Variants in RNF135 observed in about 807,000 individuals in gnomAD.
RNF135 encodes the protein ring finger protein 135.
In RNF135, 46 loss-of-function variants were observed where a neutral mutation model predicts 41.9. The observed-to-expected ratio is 1.10, with a 90% CI of 0.87 to 1.40. The LOEUF is 1.40. RNF135 is among the 40% of genes most tolerant of loss of function. The pLI, the probability that RNF135 is intolerant of heterozygous loss-of-function variation, is 0.00. For synonymous variants in RNF135, 238 were observed against 223.8 expected (o/e 1.06, Z -0.57); for missense variants, 539 against 549.8 (o/e 0.98, Z 0.20).
intron 3 of RNF135, among the ~76,000 whole-genome samples, chr17:30,995,262 C>T (rs1039604021): frequency 1.2e-4 from 18 of 152,088 alleles, no homozygotes; most frequent in South Asian, 2.1e-4. Context: ...GTGGTGGGCG[C>T]CTGTAGTCCC....
intron 3 of RNF135, among the ~76,000 whole-genome samples, chr17:30,991,441 A>AGTC (rs1907982946): frequency 7.1e-6 from 1 of 139,890 alleles, no homozygotes; most frequent in South Asian, 2.3e-4. Context: ...TTTGAGACTG[A>AGTC]GTCTCGCTCT....
intron 1 of RNF135, among the ~76,000 whole-genome samples, chr17:30,980,742 T>C (rs1037448353): frequency 2.0e-4 from 25 of 127,978 alleles, no homozygotes; most frequent in African/African-American, 7.3e-4. Context: ...GGGGCAGAGG[T>C]GCTCCCCACA....
rs1292530345 is a variant in RNF135, at chr17:30,971,338, G to A, written c.265G>A (p.Ala89Thr). ...CCTGGCCGACAAGTACCGCCGCGCCGCACGCGAGATACAGGCGGGCTCCGA... is the reference window on the plus strand; with the variant it reads ...CCTGGCCGACAAGTACCGCCGCGCCACACGCGAGATACAGGCGGGCTCCGA... The part of the protein sequence containing the change: ...QDLADKYRRA[A>T]REIQAGSDPA... The change falls in exon 1 of 5, where the codon GCA becomes ACA. Residue 89 changes from alanine (A) to threonine (T), a missense_variant. Coordinates refer to ENST00000328381, the MANE Select transcript of RNF135 (RefSeq NM_032322.4). 3 of 1,533,408 alleles carry A rather than the reference G, an allele frequency of 2.0e-6. No homozygotes were observed. The highest frequency in any genetic ancestry group is 2.6e-6 in the Non-Finnish European group (3 of 1,143,614). 95.0% of individuals were successfully genotyped at this position (1,533,408 alleles called of 1,614,324 possible).
At chr17:30,988,879 G>A (rs1390596276) in intron 3 of RNF135, among the ~76,000 whole-genome samples, 7 of 145,970 alleles carry the variant, frequency 4.8e-5, no homozygotes, top group African/African-American at 1.3e-4. Context: ...GCGCCACCAC[G>A]CCTGGCTAAT....
chr17:30,997,513 A>G, intron 4 of RNF135, 182 bp downstream of exon 4: 1 of 670,406 alleles, frequency 1.5e-6, no homozygotes, highest in South Asian at 1.5e-5. Context: ...CTCTAGACCC[A>G]AGAGCACTCA....
intron 1 of RNF135, among the ~76,000 whole-genome samples, chr17:30,979,712 T>C (rs1251403466): frequency 9.8e-6 from 1 of 102,558 alleles, no homozygotes; most frequent in Non-Finnish European, 2.0e-5. Context: ...GGCGGGGGGC[T>C]GACCCCCCCC....
At chr17:30,993,770 CT>C in intron 3 of RNF135, 2 of 958,154 alleles carry the variant, frequency 2.1e-6, no homozygotes, top group South Asian at 1.6e-5. Context: ...TTTTTCCTTT[CT>C]TTTTCTTTTG....
chr17:30,985,348 C>T (rs1907512325), intron 2 of RNF135, among the ~76,000 whole-genome samples: 1 of 152,164 alleles, frequency 6.6e-6, no homozygotes, highest in Admixed American at 6.6e-5. Flanking sequence ...GCTATGTCTT[C>T]CTTCTCATCT....
upstream of RNF135, among the ~76,000 whole-genome samples, chr17:30,967,886 C>T (rs1030333211): frequency 5.3e-5 from 8 of 151,428 alleles, no homozygotes; most frequent in African/African-American, 1.5e-4. Context: ...TTGTATTTTT[C>T]GAACTCCTGA....
At chr17:30,960,983 C>T in the RNF135 span, among the ~76,000 whole-genome samples, 2 of 152,092 alleles carry the variant, frequency 1.3e-5, no homozygotes, top group African/African-American at 4.8e-5. Flanking sequence ...TCGTGATCCA[C>T]CTGCCTCGGC....
At chr17:30,967,955 G>A (rs967688725), upstream of RNF135, among the ~76,000 whole-genome samples, 38 of 151,808 alleles carry the variant, frequency 2.5e-4, no homozygotes, top group African/African-American at 7.5e-4. Flanking sequence ...ATGAGCCACC[G>A]CACTCGGCCA....
At chr17:30,972,409 C>T (rs895132851) in intron 1 of RNF135, 1 of 151,936 alleles carries the variant, frequency 6.6e-6, no homozygotes, top group East Asian at 1.9e-4. Context: ...CACCGCGCCC[C>T]GCCTATTTTA....
chr17:30,966,471 C>T (rs1027310313), upstream of RNF135, among the ~76,000 whole-genome samples: 1 of 143,246 alleles, frequency 7.0e-6, no homozygotes, highest in Non-Finnish European at 1.5e-5. Flanking sequence ...ATACTTCTAA[C>T]GACTTTTGTA....
At chr17:30,983,761 T>C (rs1318839360) in intron 1 of RNF135, among the ~76,000 whole-genome samples, 1 of 151,810 alleles carries the variant, frequency 6.6e-6, no homozygotes, top group African/African-American at 2.4e-5. Context: ...ACATTTGTTA[T>C]TTTGGTTTTT....
intron 1 of RNF135, among the ~76,000 whole-genome samples, chr17:30,978,367 T>G (rs1296975365): frequency 1.3e-5 from 2 of 152,162 alleles, no homozygotes; most frequent in South Asian, 2.1e-4. Flanking sequence ...CAATAATTCT[T>G]AGATTTGCCC....
At position 30,971,050 on chromosome 17, in the gene RNF135, C is replaced by T. The variant is rs1242115443; in HGVS notation, c.-24C>T. On this transcript the variant is annotated 5_prime_UTR_variant, in exon 1 of 5. Coordinates refer to ENST00000328381, the MANE Select transcript of RNF135 (RefSeq NM_032322.4). ...GACTCGCCCGGCTCAACCCCGACGT[C>T]CGCGCCCCGGCCGCCTGTTGGCCAT... 2 of 1,529,398 alleles carry T rather than the reference C, an allele frequency of 1.3e-6. No individual in the cohort carries two copies. The highest frequency in any genetic ancestry group is 2.9e-5 in the African/African-American group (2 of 69,482). The allele number at this position is 1,529,398 out of a possible 1,614,324, so 94.7% of individuals were successfully genotyped here.
rs753762019 is a variant in RNF135, at chr17:30,971,461, C to G, written c.372+16C>G. On this transcript the variant is annotated intron_variant, in intron 1 of 4. Coordinates refer to ENST00000328381, the MANE Select transcript of RNF135 (RefSeq NM_032322.4). The stretch of plus-strand genomic sequence containing the variant: ...ACTGCAGCGGGTAGGGAGGCCGGGC[C>G]CGCAGCTCCCCTGGCTCCCCCGGGC... The G allele has an allele frequency of 2.7e-6, 4 of 1,488,226 alleles. No homozygotes were observed. The African/African-American group carries it at 5.9e-5, about 22-fold the overall frequency. The allele number at this position is 1,488,226 out of a possible 1,614,324, so 92.2% of individuals were successfully genotyped here.
At chr17:30,971,767 A>C in intron 1 of RNF135, 3 of 1,150,282 alleles carry the variant, frequency 2.6e-6, no homozygotes, top group Non-Finnish European at 3.3e-6. Flanking sequence ...TATAACATTA[A>C]AACTGGCCAT....
upstream of RNF135, chr17:30,970,986 G>C: frequency 6.6e-7 from 1 of 1,509,978 alleles, no homozygotes; most frequent in Non-Finnish European, 8.9e-7. Flanking sequence ...AAAGGAGGAG[G>C]GCAAGGGGAA....
Sources: gnomAD v4.1 joint callset for allele counts (sites outside exome capture counted in the v4.1 genomes callset) on GRCh38, gnomAD v4.1.1 for gene constraint, MANE v1.5 for transcripts, NCBI Gene and HGNC (gene_info 2026-07-23, HGNC 2026-07-21) for gene names.